Variants in RHOU observed in about 807,000 individuals in gnomAD.
RHOU encodes ras homolog family member U.
In RHOU, 8 loss-of-function variants were observed where a neutral mutation model predicts 12.6. The observed-to-expected ratio is 0.64, with a 90% CI of 0.37 to 1.15. RHOU has a LOEUF of 1.15. Among genes scored for constraint, RHOU ranks in the 50% most tolerant of loss-of-function variants. The probability of loss-of-function intolerance (pLI) is 0.01; values close to 1 mark genes in which losing one functional copy is unlikely to be tolerated. For missense variants in RHOU, 258 were observed against 347.0 expected (o/e 0.74, Z 2.04); for synonymous variants, 161 against 147.4 (o/e 1.09, Z -0.67).
At chr1:228,655,952 T>TA in the RHOU span, among the ~76,000 whole-genome samples, 5 of 152,148 alleles carry the variant, frequency 3.3e-5, no homozygotes, top group Non-Finnish European at 7.3e-5. Flanking sequence ...CAGCCTTACA[T>TA]AAAAAAATAC....
At chr1:228,687,810 A>G in the RHOU span, 3 of 1,296,892 alleles carry the variant, frequency 2.3e-6, no homozygotes, top group Non-Finnish European at 2.2e-6. Flanking sequence ...CCTGGGGGAC[A>G]GTGATAATGA....
chr1:228,648,054 C>A, the RHOU span: 6 of 152,262 alleles, frequency 3.9e-5, no homozygotes, highest in Admixed American at 6.5e-5. Context: ...AGCCTGTCTG[C>A]CCCAAAGGCG....
upstream of RHOU, among the ~76,000 whole-genome samples, chr1:228,731,724 G>T (rs1662500623): frequency 6.6e-6 from 1 of 152,052 alleles, no homozygotes; most frequent in Non-Finnish European, 1.5e-5. Flanking sequence ...CACCTTCTCT[G>T]ACATGTTGTT....
the RHOU span, among the ~76,000 whole-genome samples, chr1:228,660,147 T>C: frequency 4.0e-5 from 6 of 151,778 alleles, no homozygotes; most frequent in Non-Finnish European, 7.4e-5. Context: ...GATGAGACCC[T>C]GTCTCAAATA....
chr1:228,730,851 G>A (rs1003142638), upstream of RHOU, among the ~76,000 whole-genome samples: 2 of 152,172 alleles, frequency 1.3e-5, no homozygotes, highest in Non-Finnish European at 2.9e-5. Flanking sequence ...ATGGTGAAAT[G>A]TTATCAATAG....
chr1:228,683,882 G>C, the RHOU span, among the ~76,000 whole-genome samples: 1 of 152,318 alleles, frequency 6.6e-6, no homozygotes, highest in Non-Finnish European at 1.5e-5. Flanking sequence ...GGAGGGAGAG[G>C]GGTCAGGGTA....
the RHOU span, among the ~76,000 whole-genome samples, chr1:228,711,049 C>G: frequency 6.6e-6 from 1 of 151,988 alleles, no homozygotes; most frequent in African/African-American, 2.4e-5. Context: ...GAGTGAACTC[C>G]CATTCACAAT....
the RHOU span, among the ~76,000 whole-genome samples, chr1:228,674,158 G>C: frequency 6.6e-6 from 1 of 152,092 alleles, no homozygotes; most frequent in African/African-American, 2.4e-5. Flanking sequence ...TTGGCCATTT[G>C]AATATCCTCT....
At chr1:228,647,136 G>T in the RHOU span, among the ~76,000 whole-genome samples, 2 of 152,122 alleles carry the variant, frequency 1.3e-5, no homozygotes, top group African/African-American at 4.8e-5. Flanking sequence ...TAGGGTGGAG[G>T]GGTTTGAGCT....
At chr1:228,683,661 C>G in the RHOU span, among the ~76,000 whole-genome samples, 1 of 152,322 alleles carries the variant, frequency 6.6e-6, no homozygotes, top group South Asian at 2.1e-4. Flanking sequence ...AACAAGGACA[C>G]TCTTTAACAA....
At chr1:228,662,910 T>C in the RHOU span, among the ~76,000 whole-genome samples, 1 of 151,994 alleles carries the variant, frequency 6.6e-6, no homozygotes, top group African/African-American at 2.4e-5. Context: ...AATGCAGCAA[T>C]AGTGTCCCCA....
chr1:228,649,433 A>G, the RHOU span, among the ~76,000 whole-genome samples: 1 of 152,174 alleles, frequency 6.6e-6, no homozygotes, highest in African/African-American at 2.4e-5. Context: ...TATCAGGATA[A>G]TTATCTGTGG....
Position 228,735,832 on chromosome 1 carries a change from A to G in RHOU, c.90A>G (p.Gly30=). 5 of 1,233,408 alleles carry G rather than the reference A, an allele frequency of 4.1e-6. No homozygotes were observed. The highest frequency in any genetic ancestry group is 5.1e-6 in the Non-Finnish European group (5 of 989,544). The allele number at this position is 1,233,408 out of a possible 1,614,324, so 76.4% of individuals were successfully genotyped here. The change falls in exon 1 of 3, where the codon GGA becomes GGG. Residue 30 remains glycine, a synonymous_variant. Coordinates refer to ENST00000366691, the MANE Select transcript of RHOU (RefSeq NM_021205.6). This position sits in a 1 kb window ranked among gnomAD's most constrained non-coding sequence, Gnocchi z 8.1. ...PPRRERGGRG[G]RGPGEPGGRG... ...GTCGGGAGCGCGGTGGACGCGGGGG[A>G]CGCGGGCCTGGGGAGCCGGGGGGCC...
chr1:228,722,104 T>TA, the RHOU span, among the ~76,000 whole-genome samples: 2 of 152,222 alleles, frequency 1.3e-5, no homozygotes, highest in Non-Finnish European at 2.9e-5. Context: ...GGCCACACTG[T>TA]AAACAAAGGA....
At chr1:228,703,186 A>ATT in the RHOU span, among the ~76,000 whole-genome samples, 1 of 152,138 alleles carries the variant, frequency 6.6e-6, no homozygotes, top group Non-Finnish European at 1.5e-5. Context: ...CCTCTCAGAC[A>ATT]CCCTTTCAAA....
At chr1:228,700,164 T>A in the RHOU span, among the ~76,000 whole-genome samples, 1 of 152,238 alleles carries the variant, frequency 6.6e-6, no homozygotes, top group Non-Finnish European at 1.5e-5. Flanking sequence ...ATTTATATCC[T>A]CTTAACTACG....
chr1:228,657,279 C>CAAAAA, the RHOU span, among the ~76,000 whole-genome samples: 30 of 27,982 alleles, frequency 1.1e-3, no homozygotes, highest in Middle Eastern at 0.062. Flanking sequence ...AACTCCATCT[C>CAAAAA]AAAAAAAAAA....
the RHOU span, among the ~76,000 whole-genome samples, chr1:228,724,255 G>A: frequency 1.2e-4 from 19 of 152,108 alleles, no homozygotes; most frequent in Admixed American, 9.8e-4. Context: ...TATTTAGTTG[G>A]AAAAGTCCTA....
the RHOU span, among the ~76,000 whole-genome samples, chr1:228,713,158 A>G: frequency 6.6e-6 from 1 of 151,774 alleles, no homozygotes; most frequent in African/African-American, 2.4e-5. Context: ...ATGGCAGGCA[A>G]CTCCTAGGTA....
Sources: allele counts gnomAD v4.1 joint callset (sites outside exome capture counted in the v4.1 genomes callset), GRCh38; gene constraint gnomAD v4.1.1; non-coding constraint Gnocchi (gnomAD v3.1); transcripts MANE v1.5; gene names NCBI Gene and HGNC (gene_info 2026-07-23, HGNC 2026-07-21).